The following MYLK variants were observed in gnomAD, a reference collection of about 807,000 sequenced individuals.
MYLK encodes myosin light chain kinase.
In MYLK, 106 loss-of-function variants were observed where a neutral mutation model predicts 203.4. That is an observed-to-expected ratio of 0.52 (90% confidence interval 0.45 to 0.61). The LOEUF is 0.61. MYLK is among the 20% of genes least tolerant of loss of function. The pLI is 0.00. For synonymous variants in MYLK, 867 were observed against 959.5 expected (o/e 0.90, Z 1.78); for missense variants, 2,072 against 2,442.3 (o/e 0.85, Z 3.20).
chr3:123,862,820 A>G (rs2032033429), intron 2 of MYLK, among the ~76,000 whole-genome samples: 1 of 151,778 alleles, frequency 6.6e-6, no homozygotes, highest in South Asian at 2.1e-4. Context: ...TGTTCTTCCA[A>G]GTTTTTCCGT....
Position 123,614,042 on chromosome 3 carries a change from TTTGAG to T in MYLK, c.*58_*62del. 6.4e-7 allele frequency: 1 copy of T among 1,570,356 alleles called. No homozygotes were observed. Among genetic ancestry groups the T allele is most frequent in the Non-Finnish European group, 8.6e-7 (1 of 1,159,120 alleles). On this transcript the variant is annotated 3_prime_UTR_variant, in exon 34 of 34. Coordinates refer to ENST00000360304, the MANE Select transcript of MYLK (RefSeq NM_053025.4). ...TACTATCTTGAGTTTTTTTTTTTTTTTTGAGTTTTAGAGAAATAGTCCTTTTAATA... is the reference window on the plus strand; with the variant it reads ...TACTATCTTGAGTTTTTTTTTTTTTTTTTTAGAGAAATAGTCCTTTTAATA...
chr3:123,656,938 A>G (rs567974060), intron 24 of MYLK, among the ~76,000 whole-genome samples, 188 bp downstream of exon 24: 1 of 152,302 alleles, frequency 6.6e-6, no homozygotes, highest in East Asian at 1.9e-4. Flanking sequence ...GAAATGTCCT[A>G]AGTATTAATA....
chr3:123,752,657 T>G, intron 4 of MYLK, 119 bp from the exon 5 acceptor site: 2 of 1,001,252 alleles, frequency 2.0e-6, no homozygotes, highest in South Asian at 1.4e-5. Context: ...CGCCCCCATT[T>G]CATCCTCATT....
chr3:123,776,388 G>A (rs2064079479), intron 4 of MYLK, among the ~76,000 whole-genome samples: 1 of 152,152 alleles, frequency 6.6e-6, no homozygotes, highest in South Asian at 2.1e-4. Flanking sequence ...GCTTAAAGAT[G>A]CCCGAATCCT....
At position 123,656,577 on chromosome 3, in the gene MYLK, G is replaced by T. The variant is rs536582832; in HGVS notation, c.4288+549C>A. On this transcript the variant is annotated intron_variant, in intron 24 of 33. Transcript: ENST00000360304. Reference sequence around the variant, plus strand: ...ATCCTATCCCTTTTTCCAAGACTCAGACTAAGTGTCACCTTCTCCAGAAAG... The same window carrying T: ...ATCCTATCCCTTTTTCCAAGACTCATACTAAGTGTCACCTTCTCCAGAAAG... 2.6e-5 allele frequency among the ~76,000 whole-genome samples: 4 copies of T among 152,194 alleles called. No individual in the cohort carries two copies. In the South Asian group the frequency reaches 8.3e-4, roughly 32 times the overall value.
chr3:123,627,076 C>A, intron 30 of MYLK, 135 bp from the exon 31 acceptor site: 3 of 954,068 alleles, frequency 3.1e-6, no homozygotes, highest in Non-Finnish European at 4.9e-6. Context: ...GACCATCCAC[C>A]GTGATCAGGA....
chr3:123,798,126 C>T (rs1054684853), intron 3 of MYLK, among the ~76,000 whole-genome samples: 1 of 152,170 alleles, frequency 6.6e-6, no homozygotes, highest in South Asian at 2.1e-4. Flanking sequence ...TGCTGGGCAC[C>T]CATCTCAATC....
chr3:123,640,788 G>A lies in MYLK; in HGVS notation c.4620-284C>T, dbSNP rs1208808877. ...AGGTGGGTGTGAACACAGAGATCCA[G>A]ACATGATCTTCTTAGCAAAAAGAGT... On this transcript the variant is annotated intron_variant, in intron 27 of 33. Transcript: ENST00000360304. This position sits in a 1 kb window ranked among gnomAD's most constrained non-coding sequence, Gnocchi z 4.3. 6.6e-6 allele frequency among the ~76,000 whole-genome samples: 1 copy of A among 152,178 alleles called. No homozygotes were observed. Among genetic ancestry groups the A allele is most frequent in the East Asian group, 1.9e-4 (1 of 5,184 alleles).
At chr3:123,705,888 C>T (rs2061442877) in intron 16 of MYLK, among the ~76,000 whole-genome samples, 1 of 152,176 alleles carries the variant, frequency 6.6e-6, no homozygotes, top group African/African-American at 2.4e-5. Flanking sequence ...AGTGCTACTC[C>T]TTCTATACTG....
At chr3:123,618,520 G>GGCAGTTCCTCCAAAGCTT in intron 33 of MYLK, 119 bp downstream of exon 33, 1 of 1,403,110 alleles carries the variant, frequency 7.1e-7, no homozygotes, top group Non-Finnish European at 1.0e-6. Flanking sequence ...CCCAAAGCTT[G>GGCAGTTCCTCCAAAGCTT]GCAGTTCCTC....
At chr3:123,681,213 C>T (rs2060251524) in intron 20 of MYLK, 1 of 152,126 alleles carries the variant, frequency 6.6e-6, no homozygotes, top group African/African-American at 2.4e-5. Flanking sequence ...ACTGTGGACC[C>T]TACGCATGGT....
chr3:123,638,422 G>T (rs1191628203), intron 28 of MYLK, among the ~76,000 whole-genome samples: 1 of 152,190 alleles, frequency 6.6e-6, no homozygotes, highest in African/African-American at 2.4e-5. Context: ...TGCAGGGTGG[G>T]CAGGGGGAGA....
intron 3 of MYLK, among the ~76,000 whole-genome samples, chr3:123,809,802 G>A (rs547259568): frequency 5.9e-5 from 9 of 152,304 alleles, no homozygotes; most frequent in East Asian, 1.9e-4. Flanking sequence ...GAAATAGGAC[G>A]TACACGCAGT....
chr3:123,772,798 G>T (rs2063927929), intron 4 of MYLK, among the ~76,000 whole-genome samples: 1 of 151,936 alleles, frequency 6.6e-6, no homozygotes, highest in Non-Finnish European at 1.5e-5. Flanking sequence ...AATAAAATGT[G>T]ATATGTTTCA....
chr3:123,625,566 T>C (rs1413564628), intron 31 of MYLK, among the ~76,000 whole-genome samples: 1 of 152,134 alleles, frequency 6.6e-6, no homozygotes, highest in African/African-American at 2.4e-5. Flanking sequence ...TCCAACACTT[T>C]GGGAGGCCGA....
At chr3:123,726,720 A>G (rs374895101) in intron 11 of MYLK, among the ~76,000 whole-genome samples, 30 of 152,290 alleles carry the variant, frequency 2.0e-4, no homozygotes, top group African/African-American at 7.0e-4. Context: ...TTGAATGCAC[A>G]TTCTGGTTGA....
intron 2 of MYLK, among the ~76,000 whole-genome samples, 162 bp from the exon 3 acceptor site, chr3:123,831,832 G>C (rs921419464): frequency 2.6e-5 from 4 of 152,142 alleles, no homozygotes; most frequent in Non-Finnish European, 5.9e-5. Context: ...CGTGTGGGGG[G>C]GTTATACGTT....
chr3:123,729,344 C>T (rs537320228), intron 11 of MYLK, among the ~76,000 whole-genome samples: 2 of 152,232 alleles, frequency 1.3e-5, no homozygotes, highest in East Asian at 1.9e-4. Context: ...CTTCTGTGGC[C>T]GCACATGACA....
intron 20 of MYLK, among the ~76,000 whole-genome samples, chr3:123,667,410 TG>T (rs1050714794): frequency 1.2e-4 from 18 of 152,148 alleles, no homozygotes; most frequent in African/African-American, 3.6e-4. Flanking sequence ...GAGACCAGCC[TG>T]GCCAGCGTGG....
Sources: gnomAD v4.1 joint callset for allele counts (sites outside exome capture counted in the v4.1 genomes callset) on GRCh38, gnomAD v4.1.1 for gene constraint, Gnocchi (gnomAD v3.1) non-coding constraint, MANE v1.5 for transcripts, NCBI Gene and HGNC (gene_info 2026-07-23, HGNC 2026-07-21) for gene names.